MBOAT1: variants seen among roughly 807,000 people sequenced by gnomAD.
MBOAT1 encodes membrane-bound glycerophospholipid O-acyltransferase 1.
MBOAT1 carries 67 observed loss-of-function variants against 64.4 expected under a neutral mutation model. The ratio of observed to expected loss-of-function variants is 1.04; its 90% CI spans 0.85 to 1.27. MBOAT1 has a LOEUF of 1.27. Among genes scored for constraint, MBOAT1 ranks in the 50% most tolerant of loss-of-function variants. The pLI is 0.00. For synonymous variants in MBOAT1, 229 were observed against 218.9 expected, an observed-to-expected ratio of 1.05 and a Z score of -0.41; for missense variants, 563 against 604.6, an observed-to-expected ratio of 0.93 and a Z score of 0.72.
At chr6:20,169,203 T>C (rs974613770) in intron 1 of MBOAT1, among the ~76,000 whole-genome samples, 3 of 152,196 alleles carry the variant, frequency 2.0e-5, no homozygotes, top group Non-Finnish European at 4.4e-5. Flanking sequence ...CAATGGAAAA[T>C]GCAGAACCAG....
At chr6:20,193,019 T>TTTTTTTTTTGTTTG (rs1762850150) in intron 1 of MBOAT1, among the ~76,000 whole-genome samples, 4 of 127,202 alleles carry the variant, frequency 3.1e-5, no homozygotes, top group African/African-American at 1.1e-4. Flanking sequence ...TTTTTTTTTT[T>TTTTTTTTTTGTTTG]TTTTGAGACG....
At chr6:20,118,314 T>C in intron 9 of MBOAT1, 123 bp downstream of exon 9, 2 of 746,144 alleles carry the variant, frequency 2.7e-6, no homozygotes, top group Non-Finnish European at 4.5e-6. Context: ...CTGCTGAGCC[T>C]GGCAATTCCC....
chr6:20,114,224 T>C (rs993119362), intron 10 of MBOAT1, among the ~76,000 whole-genome samples: 2 of 152,204 alleles, frequency 1.3e-5, no homozygotes, highest in African/African-American at 4.8e-5. Context: ...TTTTGACCCA[T>C]GAAAGATGCT....
At chr6:20,184,202 C>T (rs1250277040) in intron 1 of MBOAT1, among the ~76,000 whole-genome samples, 6 of 152,128 alleles carry the variant, frequency 3.9e-5, no homozygotes, top group African/African-American at 9.7e-5. Context: ...GAGGCAGGGA[C>T]CTGCATCAGG....
At chr6:20,206,132 G>A (rs759360802) in intron 1 of MBOAT1, among the ~76,000 whole-genome samples, 21 of 151,202 alleles carry the variant, frequency 1.4e-4, no homozygotes, top group Non-Finnish European at 2.5e-4. Flanking sequence ...GAAGCAGCAG[G>A]TCAGAGCTTT....
At chr6:20,168,597 AAGAGAGAAG>A (rs1194252993) in intron 1 of MBOAT1, among the ~76,000 whole-genome samples, 1 of 68,430 alleles carries the variant, frequency 1.5e-5, no homozygotes, top group Non-Finnish European at 3.1e-5. Flanking sequence ...GAGGGAGAGA[AAGAGAGAAG>A]AGAAGAGAAG....
intron 5 of MBOAT1, among the ~76,000 whole-genome samples, chr6:20,130,593 T>C (rs1049901041): frequency 3.3e-5 from 5 of 152,054 alleles, no homozygotes; most frequent in Non-Finnish European, 7.4e-5. Flanking sequence ...GACCTCGTGA[T>C]CTGCCCACCT....
intron 1 of MBOAT1, among the ~76,000 whole-genome samples, chr6:20,196,192 T>C (rs9358309): frequency 0.46 from 70,710 of 152,070 alleles, 17,898 homozygotes; most frequent in Non-Finnish European, 0.56. Context: ...TGAGCCTGGA[T>C]TGGGAATACC....
intron 4 of MBOAT1, among the ~76,000 whole-genome samples, chr6:20,141,340 T>C (rs1313338181): frequency 3.5e-5 from 5 of 144,422 alleles, no homozygotes; most frequent in Non-Finnish European, 7.5e-5. Context: ...TTCTCATTTT[T>C]TCTTTTCTTT....
intron 1 of MBOAT1, among the ~76,000 whole-genome samples, chr6:20,183,797 C>T (rs1762571900): frequency 6.6e-6 from 1 of 152,192 alleles, no homozygotes; most frequent in Non-Finnish European, 1.5e-5. Context: ...TAAGGATATA[C>T]CTGGGACTGG....
In MBOAT1 at chr6:20,212,275, A is replaced by C; in HGVS notation, c.-41T>G. Reference sequence around the variant, plus strand: ...GGTGGCTGCCCCTGTCCCAGCCCGCAACACCCCCTGCTCGGCGTCCTCCCG... The same window carrying C: ...GGTGGCTGCCCCTGTCCCAGCCCGCCACACCCCCTGCTCGGCGTCCTCCCG... On this transcript the variant is annotated 5_prime_UTR_variant, in exon 1 of 13. Coordinates refer to ENST00000324607, the MANE Select transcript of MBOAT1 (RefSeq NM_001080480.3). The C allele has an allele frequency of 6.4e-7, 1 of 1,570,020 alleles. No homozygotes were observed. Among genetic ancestry groups the C allele is most frequent in the Non-Finnish European group, 8.7e-7 (1 of 1,152,626 alleles).
intron 8 of MBOAT1, among the ~76,000 whole-genome samples, chr6:20,121,313 A>G (rs1386388753): frequency 1.3e-5 from 2 of 152,238 alleles, no homozygotes; most frequent in Non-Finnish European, 2.9e-5. Context: ...TACACTATTC[A>G]TTGCTTCTTT....
Position 20,207,173 on chromosome 6 carries a change from C to T in MBOAT1, c.99+4963G>A, listed in dbSNP as rs111850753. Among the ~76,000 whole-genome samples the T allele has an allele frequency of 6.6e-3, 1,001 of 152,340 alleles. 3 individuals carry two copies. The highest frequency in any genetic ancestry group is 0.01 in the Non-Finnish European group (713 of 68,042). ...CAGCAGCTCATTCAATTGACCTTGT[C>T]AGTGCTTTCTCAATTTCCCTTAAAT... On this transcript the variant is annotated intron_variant, in intron 1 of 12. Transcript: ENST00000324607.
intron 1 of MBOAT1, 78 bp downstream of exon 1, chr6:20,212,058 G>T (rs1454081224): frequency 8.4e-6 from 11 of 1,308,826 alleles, no homozygotes; most frequent in Non-Finnish European, 1.2e-5. Flanking sequence ...GCGGAGGGAC[G>T]GTGGCTAACA....
intron 1 of MBOAT1, among the ~76,000 whole-genome samples, chr6:20,183,862 G>GA (rs1408978224): frequency 1.3e-5 from 2 of 152,214 alleles, no homozygotes; most frequent in Non-Finnish European, 2.9e-5. Context: ...GGAGGCCTCT[G>GA]AATCATGGCA....
intron 3 of MBOAT1, among the ~76,000 whole-genome samples, chr6:20,147,638 CAAA>C (rs764732647): frequency 1.0e-4 from 10 of 96,184 alleles, no homozygotes; most frequent in Non-Finnish European, 1.6e-4. Context: ...AACTCCGTCT[CAAA>C]AAAAAAAAAA....
At position 20,120,006 on chromosome 6, in the gene MBOAT1, C is replaced by CGTGTGTGTGT. The variant is rs10630791; in HGVS notation, c.908-1476_908-1467dup. On this transcript the variant is annotated intron_variant, in intron 8 of 12. Transcript: ENST00000324607. ...TATCTTTTCTGTGTGTGTGTGTGTG[C>CGTGTGTGTGT]GTGTGTGTGTGTGTGTGTTTTCAGT... 2.7e-3 allele frequency among the ~76,000 whole-genome samples: 410 copies of CGTGTGTGTGT among 150,730 alleles called. 1 individual carries two copies. The highest frequency in any genetic ancestry group is 3.9e-3 in the Non-Finnish European group (264 of 67,728).
intron 8 of MBOAT1, among the ~76,000 whole-genome samples, chr6:20,123,051 A>T (rs1561751140): frequency 1.3e-5 from 2 of 151,986 alleles, no homozygotes; most frequent in Non-Finnish European, 2.9e-5. Flanking sequence ...GCTGGTCTTG[A>T]ACTCCTGGCC....
intron 4 of MBOAT1, among the ~76,000 whole-genome samples, chr6:20,141,890 G>T (rs1014503802): frequency 1.3e-5 from 2 of 152,112 alleles, no homozygotes; most frequent in African/African-American, 4.8e-5. Context: ...GGTAATAAAG[G>T]AAATAAAGGC....
Sources: allele counts gnomAD v4.1 joint callset (sites outside exome capture counted in the v4.1 genomes callset), GRCh38; gene constraint gnomAD v4.1.1; transcripts MANE v1.5; gene names NCBI Gene and HGNC (gene_info 2026-07-23, HGNC 2026-07-21).